The following AGAP1 variants were observed in gnomAD, a reference collection of about 807,000 sequenced individuals.
AGAP1 encodes arf-GAP with GTPase, ANK repeat and PH domain-containing protein 1.
In AGAP1, 29 loss-of-function variants were observed where a neutral mutation model predicts 105.3. That is an observed-to-expected ratio of 0.28 (90% CI 0.21 to 0.38). AGAP1 has a LOEUF of 0.38. AGAP1 is among the 10% of genes least tolerant of loss of function. AGAP1 has a pLI of 1.00. For missense variants in AGAP1, 998 were observed against 1,165.1 expected (o/e 0.86, Z 2.09); for synonymous variants, 509 against 485.9 (o/e 1.05, Z -0.63).
In AGAP1 at chr2:235,596,906, G is replaced by T. The variant is rs1338782239; in HGVS notation, c.163+102057G>T. ...AATGCCCCTCAGGAGCGCTTGCTCT[G>T]TACCCTATGAGGACATCATGAGGAG... On this transcript the variant is annotated intron_variant, in intron 1 of 17. Transcript: ENST00000304032. This position sits in a 1 kb window ranked among gnomAD's most constrained non-coding sequence, Gnocchi z 5.9. Among the ~76,000 whole-genome samples the T allele has an allele frequency of 1.3e-5, 2 of 152,160 alleles. No individual in the cohort carries two copies. Among genetic ancestry groups the T allele is most frequent in the African/African-American group, 4.8e-5 (2 of 41,446 alleles).
chr2:235,785,518 A>G (rs1956572593), intron 6 of AGAP1, among the ~76,000 whole-genome samples: 1 of 152,154 alleles, frequency 6.6e-6, no homozygotes, highest in Non-Finnish European at 1.5e-5. Context: ...TTCCTCATTT[A>G]TCTTGATCTT....
chr2:235,674,414 A>G (rs1948611812), intron 1 of AGAP1, among the ~76,000 whole-genome samples: 1 of 152,242 alleles, frequency 6.6e-6, no homozygotes, highest in Non-Finnish European at 1.5e-5. Context: ...TCTGCATCCC[A>G]GTGGATGCCG....
chr2:235,871,373 G>A (rs1262902594), intron 9 of AGAP1, among the ~76,000 whole-genome samples: 1 of 152,218 alleles, frequency 6.6e-6, no homozygotes, highest in Non-Finnish European at 1.5e-5. Context: ...AGCTAGGTGT[G>A]CAGGCTCACG....
chr2:236,086,145 G>A (rs1466901862), intron 16 of AGAP1, among the ~76,000 whole-genome samples: 1 of 152,164 alleles, frequency 6.6e-6, no homozygotes, highest in Non-Finnish European at 1.5e-5. Context: ...GAAATAATTG[G>A]ATTCTAAATT....
intron 1 of AGAP1, among the ~76,000 whole-genome samples, chr2:235,500,669 T>A (rs1941523904): frequency 6.6e-6 from 1 of 152,096 alleles, no homozygotes; most frequent in Admixed American, 6.6e-5. Flanking sequence ...TTAAACCAGA[T>A]CTGAATGGTT....
At chr2:235,661,779 G>C (rs1177747038) in intron 1 of AGAP1, among the ~76,000 whole-genome samples, 1 of 152,200 alleles carries the variant, frequency 6.6e-6, no homozygotes, top group Non-Finnish European at 1.5e-5. Context: ...GCCCAGGGGG[G>C]TCTTACAGGA....
rs145803428 is a variant in AGAP1 at position 235,588,612 on chromosome 2, A to G, written c.163+93763A>G. Among the ~76,000 whole-genome samples, 8 of 152,192 alleles carry G rather than the reference A, an allele frequency of 5.3e-5. No homozygotes were observed. The South Asian group carries it at 1.0e-3, about 20-fold the overall frequency. On this transcript the variant is annotated intron_variant, in intron 1 of 17. Transcript: ENST00000304032. Reference sequence around the variant, plus strand: ...TGTAGCTGAGTTTTTAAGAAATTATACCATATTCATTTTGACTCCTAATTC... The same window carrying G: ...TGTAGCTGAGTTTTTAAGAAATTATGCCATATTCATTTTGACTCCTAATTC...
intron 1 of AGAP1, among the ~76,000 whole-genome samples, chr2:235,604,494 A>T (rs1945850524): frequency 6.6e-6 from 1 of 151,284 alleles, no homozygotes; most frequent in Non-Finnish European, 1.5e-5. Flanking sequence ...AATAAAAAAA[A>T]AAAAAGTGCT....
In AGAP1 at chr2:236,014,873, ACTGAAGGTAACG is replaced by A. The variant is rs2056641323; in HGVS notation, c.1646-21686_1646-21675del. 4.6e-6 allele frequency: 2 copies of A among 435,446 alleles called. No homozygotes were observed. Among genetic ancestry groups the A allele is most frequent in the Non-Finnish European group, 9.5e-6 (2 of 210,002 alleles). The allele number at this position is 435,446 out of a possible 1,614,324, so 27.0% of individuals were successfully genotyped here. On this transcript the variant is annotated intron_variant, in intron 13 of 17. Coordinates refer to ENST00000304032, the MANE Select transcript of AGAP1 (RefSeq NM_001037131.3). The surrounding 1 kb of genome is among the most constrained non-coding windows in gnomAD (Gnocchi z 6.3). ...AAATATATACAGCAGCAGCACCAACACTGAAGGTAACGCCTCCGCACCTCCACCCGCCCACAC... is the reference window on the plus strand; with the variant it reads ...AAATATATACAGCAGCAGCACCAACACCTCCGCACCTCCACCCGCCCACAC...
At position 235,705,670 on chromosome 2, in the gene AGAP1, G is replaced by C. The variant is rs1950500918; in HGVS notation, c.164-3509G>C. On this transcript the variant is annotated intron_variant, in intron 1 of 17. Transcript: ENST00000304032. This position sits in a 1 kb window ranked among gnomAD's most constrained non-coding sequence, Gnocchi z 4.9. The stretch of plus-strand genomic sequence containing the variant: ...ATTTTGACTGGGCGGTAACAGAGTT[G>C]ATGAAAGTTTTTAAAATAAATACTT... 6.6e-6 allele frequency among the ~76,000 whole-genome samples: 1 copy of C among 152,240 alleles called. No individual in the cohort carries two copies.
intron 13 of AGAP1, among the ~76,000 whole-genome samples, chr2:236,015,956 C>T (rs1000441954): frequency 6.6e-6 from 1 of 152,030 alleles, no homozygotes. Context: ...TAACCTTTGC[C>T]GATTTATATC....
intron 1 of AGAP1, among the ~76,000 whole-genome samples, chr2:235,536,474 CACACACACACACACACACACAG>C (rs1943233797): frequency 7.3e-6 from 1 of 137,914 alleles, no homozygotes; most frequent in Admixed American, 7.1e-5. Flanking sequence ...ATCCTACACA[CACACACACACACACACACACAG>C]AGCAGGACTC....
intron 9 of AGAP1, among the ~76,000 whole-genome samples, chr2:235,876,381 C>T (rs1266099797): frequency 6.6e-6 from 1 of 152,174 alleles, no homozygotes; most frequent in Non-Finnish European, 1.5e-5. Context: ...TCTGTGTTGG[C>T]CAAGCAGATT....
At position 235,934,959 on chromosome 2, in the gene AGAP1, A is replaced by G. The variant is rs1436194201; in HGVS notation, c.1483+4036A>G. Among the ~76,000 whole-genome samples the G allele has an allele frequency of 6.6e-6, 1 of 152,112 alleles. No individual in the cohort carries two copies. Among genetic ancestry groups the G allele is most frequent in the Non-Finnish European group, 1.5e-5 (1 of 68,030 alleles). On this transcript the variant is annotated intron_variant, in intron 12 of 17. Transcript: ENST00000304032. This position sits in a 1 kb window ranked among gnomAD's most constrained non-coding sequence, Gnocchi z 4.9. ...TTTTCAAAGTCTCCTCTCTAGACAC[A>G]CCGGTCCCCCCGGGGTTTCTTCCTT...
Position 235,962,411 on chromosome 2 carries a change from G to A in AGAP1, c.1484-6051G>A, listed in dbSNP as rs556027088. 3.3e-5 allele frequency among the ~76,000 whole-genome samples: 5 copies of A among 152,124 alleles called. No homozygotes were observed. The South Asian group carries it at 1.0e-3, about 32-fold the overall frequency. On this transcript the variant is annotated intron_variant, in intron 12 of 17. Coordinates refer to ENST00000304032, the MANE Select transcript of AGAP1 (RefSeq NM_001037131.3). The surrounding 1 kb of genome is among the most constrained non-coding windows in gnomAD (Gnocchi z 5.3). ...TACAAGGGTGAGTTTCAAGTCGTGTGCGATGCTGCCCGGCTGTATAAGAAA... is the reference window on the plus strand; with the variant it reads ...TACAAGGGTGAGTTTCAAGTCGTGTACGATGCTGCCCGGCTGTATAAGAAA...
In AGAP1 at chr2:235,721,952, T is replaced by C. The variant is rs1183829927; in HGVS notation, c.310+4308T>C. Among the ~76,000 whole-genome samples the C allele has an allele frequency of 1.3e-5, 2 of 152,192 alleles. No homozygotes were observed. Among genetic ancestry groups the C allele is most frequent in the South Asian group, 2.1e-4 (1 of 4,830 alleles). The stretch of plus-strand genomic sequence containing the variant: ...GTGATGCATTTTGGTTGATATTTTA[T>C]TGTTACAGTGAAGAGAGCCAACTCA... On this transcript the variant is annotated intron_variant, in intron 3 of 17. Transcript: ENST00000304032. The surrounding 1 kb of genome is among the most constrained non-coding windows in gnomAD (Gnocchi z 4.5).
chr2:235,871,649 A>G (rs1022409202), intron 9 of AGAP1, among the ~76,000 whole-genome samples: 4 of 152,342 alleles, frequency 2.6e-5, no homozygotes, highest in East Asian at 1.9e-4. Flanking sequence ...CTGTTGCTGC[A>G]TAAGGATCCA....
intron 1 of AGAP1, chr2:235,670,829 C>T (rs1398648264): frequency 3.8e-5 from 54 of 1,410,006 alleles, no homozygotes; most frequent in Admixed American, 7.8e-5. Flanking sequence ...CAACAGCGAC[C>T]TGCAGCGGCT....
In AGAP1 at chr2:235,865,801, C is replaced by T. The variant is rs1313995365; in HGVS notation, c.1051-17544C>T. 6.6e-6 allele frequency among the ~76,000 whole-genome samples: 1 copy of T among 152,216 alleles called. No homozygotes were observed. The highest frequency in any genetic ancestry group is 1.5e-5 in the Non-Finnish European group (1 of 68,038). ...CGGCAGAGCTTGTGTCTGCTGGTCA[C>T]ATTTTCTAGTCATCTCCTTTTACCA... On this transcript the variant is annotated intron_variant, in intron 9 of 17. Coordinates refer to ENST00000304032, the MANE Select transcript of AGAP1 (RefSeq NM_001037131.3). This position sits in a 1 kb window ranked among gnomAD's most constrained non-coding sequence, Gnocchi z 6.2.
Sources: allele counts gnomAD v4.1 joint callset (sites outside exome capture counted in the v4.1 genomes callset), GRCh38; gene constraint gnomAD v4.1.1; non-coding constraint Gnocchi (gnomAD v3.1); transcripts MANE v1.5; gene names NCBI Gene and HGNC (gene_info 2026-07-23, HGNC 2026-07-21).